HDAC9: variants seen among roughly 807,000 people sequenced by gnomAD.
HDAC9 encodes histone deacetylase 9, also known as MEF-2 interacting transcription repressor (MITR) protein.
HDAC9 carries 41 observed loss-of-function variants against 139.4 expected under a neutral mutation model. The observed-to-expected ratio is 0.29, with a 90% CI of 0.23 to 0.38. The LOEUF (loss-of-function observed/expected upper bound fraction) is 0.38. Ranked by LOEUF, HDAC9 falls within the 10% of genes least tolerant of loss-of-function variation. The probability of loss-of-function intolerance (pLI) is 1.00; values close to 1 mark genes in which losing one functional copy is unlikely to be tolerated. For synonymous variants in HDAC9, 517 were observed against 476.2 expected, an observed-to-expected ratio of 1.09 and a Z score of -1.12; for missense variants, 1,147 against 1,297.0, an observed-to-expected ratio of 0.88 and a Z score of 1.78.
At chr7:18,553,606 T>C (rs1019100345) in intron 2 of HDAC9, among the ~76,000 whole-genome samples, 13 of 152,340 alleles carry the variant, frequency 8.5e-5, no homozygotes, top group African/African-American at 3.1e-4. Flanking sequence ...CGGGTAACTA[T>C]TGGTAGGGGA....
chr7:18,302,133 C>A (rs756547043), intron 1 of HDAC9, among the ~76,000 whole-genome samples: 23 of 152,174 alleles, frequency 1.5e-4, no homozygotes, highest in Non-Finnish European at 2.6e-4. Flanking sequence ...AGTCATACAG[C>A]AATTAAGTAG....
At chr7:18,829,046 G>T in intron 17 of HDAC9, 115 bp from the exon 18 acceptor site, 2 of 770,282 alleles carry the variant, frequency 2.6e-6, no homozygotes, top group Admixed American at 1.8e-5. Flanking sequence ...AAGCGTATGA[G>T]ACTTCAGTTT....
intron 1 of HDAC9, among the ~76,000 whole-genome samples, chr7:18,368,892 T>A (rs996083516): frequency 6.6e-6 from 1 of 152,114 alleles, no homozygotes; most frequent in South Asian, 2.1e-4. Context: ...GATGCTTGAA[T>A]ATATTGCTGA....
chr7:18,151,297 T>G (rs184992474), intron 1 of HDAC9, among the ~76,000 whole-genome samples: 2 of 152,198 alleles, frequency 1.3e-5, no homozygotes, highest in East Asian at 1.9e-4. Context: ...ATATACTTAG[T>G]AATTGTTACC....
chr7:18,586,691 G>T (rs565145734), intron 3 of HDAC9, among the ~76,000 whole-genome samples: 110 of 152,034 alleles, frequency 7.2e-4, no homozygotes, highest in Middle Eastern at 3.4e-3. Context: ...TCCTAAAAAG[G>T]CTCTTTGACA....
At chr7:18,930,216 T>C (rs907960111) in intron 22 of HDAC9, among the ~76,000 whole-genome samples, 1 of 152,030 alleles carries the variant, frequency 6.6e-6, no homozygotes, top group African/African-American at 2.4e-5. Flanking sequence ...CAAGGTACCA[T>C]GGTATAGGAA....
At chr7:18,615,098 G>A (rs1325673553) in intron 6 of HDAC9, among the ~76,000 whole-genome samples, 2 of 152,058 alleles carry the variant, frequency 1.3e-5, no homozygotes, top group Non-Finnish European at 2.9e-5. Context: ...GGGCACAATT[G>A]TGTCTGTTAA....
chr7:18,654,058 C>T (rs1790261710), intron 11 of HDAC9, among the ~76,000 whole-genome samples: 1 of 151,850 alleles, frequency 6.6e-6, no homozygotes, highest in Admixed American at 6.6e-5. Flanking sequence ...ATTTTGTGCA[C>T]TATTGAAAAA....
intron 7 of HDAC9, among the ~76,000 whole-genome samples, chr7:18,631,149 T>C (rs1176125076): frequency 6.6e-6 from 1 of 152,126 alleles, no homozygotes; most frequent in Non-Finnish European, 1.5e-5. Flanking sequence ...TCAGTAATGA[T>C]TGGTTCTTAT....
chr7:18,869,618 C>G (rs1798764072), intron 21 of HDAC9, among the ~76,000 whole-genome samples: 1 of 152,164 alleles, frequency 6.6e-6, no homozygotes, highest in East Asian at 1.9e-4. Flanking sequence ...CTTGTGGGAT[C>G]TACACTATCT....
intron 2 of HDAC9, among the ~76,000 whole-genome samples, chr7:18,581,397 G>A (rs891460022): frequency 8.5e-5 from 13 of 152,074 alleles, no homozygotes; most frequent in African/African-American, 2.9e-4. Flanking sequence ...GCAGTTAGAC[G>A]CAATCATTTC....
intron 2 of HDAC9, among the ~76,000 whole-genome samples, chr7:18,557,356 T>A (rs1019164090): frequency 1.3e-5 from 2 of 149,244 alleles, no homozygotes; most frequent in East Asian, 2.2e-4. Context: ...TTTTTTTTTT[T>A]ATATCTAACC....
At chr7:18,098,169 A>G (rs1022271874) in intron 1 of HDAC9, among the ~76,000 whole-genome samples, 1 of 152,214 alleles carries the variant, frequency 6.6e-6, no homozygotes, top group African/African-American at 2.4e-5. Context: ...AATCCGTGAA[A>G]TCGATACTAC....
intron 2 of HDAC9, among the ~76,000 whole-genome samples, chr7:18,197,756 C>G (rs1390470654): frequency 6.6e-6 from 1 of 152,170 alleles, no homozygotes; most frequent in Non-Finnish European, 1.5e-5. Flanking sequence ...TCCTTTTTCC[C>G]TAGCTTTAAG....
chr7:18,401,275 A>G (rs1374226871), intron 1 of HDAC9, among the ~76,000 whole-genome samples: 1 of 152,140 alleles, frequency 6.6e-6, no homozygotes, highest in Non-Finnish European at 1.5e-5. Context: ...ATACTCAAGG[A>G]AAGGTCAGCT....
At chr7:18,411,253 G>A (rs1411407826) in intron 1 of HDAC9, among the ~76,000 whole-genome samples, 2 of 152,150 alleles carry the variant, frequency 1.3e-5, no homozygotes, top group Non-Finnish European at 2.9e-5. Context: ...TTTGACGTAA[G>A]ATTTTTTTGA....
intron 1 of HDAC9, among the ~76,000 whole-genome samples, chr7:18,363,711 A>G (rs1783960259): frequency 6.6e-6 from 1 of 152,250 alleles, no homozygotes; most frequent in African/African-American, 2.4e-5. Flanking sequence ...GAGAAAGCCA[A>G]TGGGCTGAAC....
At chr7:18,120,399 A>G (rs1784293054) in intron 1 of HDAC9, among the ~76,000 whole-genome samples, 1 of 152,234 alleles carries the variant, frequency 6.6e-6, no homozygotes, top group South Asian at 2.1e-4. Flanking sequence ...AAAAGGGTTA[A>G]GTAAATTCTT....
intron 2 of HDAC9, among the ~76,000 whole-genome samples, chr7:18,563,569 T>TA (rs1583429223): frequency 6.6e-6 from 1 of 152,176 alleles, no homozygotes. Flanking sequence ...ACAATGTATT[T>TA]AAGGTGTTTA....
Sources: allele counts gnomAD v4.1 joint callset (sites outside exome capture counted in the v4.1 genomes callset), GRCh38; gene constraint gnomAD v4.1.1; transcripts MANE v1.5; gene names NCBI Gene and HGNC (gene_info 2026-07-23, HGNC 2026-07-21).